The following KCNT2 variants were observed in gnomAD, a reference collection of about 807,000 sequenced individuals.
KCNT2 encodes potassium channel subfamily T member 2.
Under a neutral mutation model 153.8 loss-of-function variants are expected in KCNT2, and 67 were observed. The ratio of observed to expected loss-of-function variants is 0.44; its 90% CI spans 0.36 to 0.53. The LOEUF is 0.53. Among genes scored for constraint, KCNT2 ranks in the 20% least tolerant of loss-of-function variants. The pLI, the probability that KCNT2 is intolerant of heterozygous loss-of-function variation, is 0.00. For missense variants in KCNT2, 975 were observed against 1,354.8 expected, an observed-to-expected ratio of 0.72 and a Z score of 4.40; for synonymous variants, 500 against 458.8, an observed-to-expected ratio of 1.09 and a Z score of -1.15.
chr1:196,435,526 T>C (rs1329083976), intron 8 of KCNT2, among the ~76,000 whole-genome samples: 3 of 151,662 alleles, frequency 2.0e-5, no homozygotes, highest in Non-Finnish European at 4.4e-5. Flanking sequence ...ATATAAGATA[T>C]ATTTATTTTA....
rs562999182 is a variant in KCNT2 at position 196,513,788 on chromosome 1, T to C, written c.96-21447A>G. Among the ~76,000 whole-genome samples, 8 of 152,230 alleles carry C rather than the reference T, an allele frequency of 5.3e-5. No homozygotes were observed. In the South Asian group the frequency reaches 1.7e-3, roughly 32 times the overall value. On this transcript the variant is annotated intron_variant, in intron 1 of 27. Coordinates refer to ENST00000294725, the MANE Select transcript of KCNT2 (RefSeq NM_198503.5). ...AACTGTTTTTTAATGATCTATATCC[T>C]CCAAATGGACCTTAGAGACCAAACA... is the stretch of plus-strand genomic sequence containing the variant.
chr1:196,281,061 T>C, intron 24 of KCNT2, 73 bp from the exon 25 acceptor site: 5 of 1,186,120 alleles, frequency 4.2e-6, no homozygotes, highest in Non-Finnish European at 3.6e-6. Flanking sequence ...TTACATTTCT[T>C]TATTTGCTTA....
At chr1:196,298,074 A>G (rs1446161146) in intron 22 of KCNT2, among the ~76,000 whole-genome samples, 1 of 152,194 alleles carries the variant, frequency 6.6e-6, no homozygotes, top group East Asian at 1.9e-4. Flanking sequence ...AGATATCTCC[A>G]ATCACTGGTA....
chr1:196,373,608 C>A (rs535837752), intron 13 of KCNT2, among the ~76,000 whole-genome samples: 1 of 151,864 alleles, frequency 6.6e-6, no homozygotes, highest in South Asian at 2.1e-4. Context: ...TTTATAAAGT[C>A]TCCTTTTGTT....
intron 13 of KCNT2, among the ~76,000 whole-genome samples, chr1:196,385,332 T>C (rs1469232253): frequency 6.6e-6 from 1 of 152,178 alleles, no homozygotes; most frequent in Non-Finnish European, 1.5e-5. Context: ...CTGTGGGCAA[T>C]TGTGACACAA....
intron 8 of KCNT2, among the ~76,000 whole-genome samples, chr1:196,442,150 C>T (rs1054545093): frequency 1.3e-5 from 2 of 151,662 alleles, no homozygotes; most frequent in East Asian, 1.9e-4. Context: ...GCTGGATCAC[C>T]GACGGAAAAG....
intron 19 of KCNT2, among the ~76,000 whole-genome samples, chr1:196,323,977 A>G (rs1663592653): frequency 6.6e-6 from 1 of 151,854 alleles, no homozygotes; most frequent in Non-Finnish European, 1.5e-5. Context: ...AAAAAAAAAA[A>G]AAGAATTGCA....
intron 14 of KCNT2, among the ~76,000 whole-genome samples, chr1:196,361,920 T>TGTGG (rs1161792276): frequency 6.6e-6 from 1 of 151,606 alleles, no homozygotes; most frequent in Non-Finnish European, 1.5e-5. Context: ...TGTGAGTGTG[T>TGTGG]GTGTGTGTGT....
intron 8 of KCNT2, among the ~76,000 whole-genome samples, chr1:196,456,016 C>T (rs952557691): frequency 2.6e-4 from 40 of 152,024 alleles, no homozygotes; most frequent in Non-Finnish European, 4.4e-4. Flanking sequence ...TATCTGGTTC[C>T]GATTCATTCA....
chr1:196,303,501 G>A (rs528881427), intron 22 of KCNT2, among the ~76,000 whole-genome samples: 3 of 152,076 alleles, frequency 2.0e-5, no homozygotes, highest in African/African-American at 4.8e-5. Context: ...ACCTTGCTAC[G>A]TCAACTGACT....
At chr1:196,452,849 A>C (rs2148625498) in intron 8 of KCNT2, among the ~76,000 whole-genome samples, 1 of 151,992 alleles carries the variant, frequency 6.6e-6, no homozygotes, top group African/African-American at 2.4e-5. Flanking sequence ...TTTTAAAATT[A>C]TATTTATACC....
intron 8 of KCNT2, among the ~76,000 whole-genome samples, chr1:196,433,016 G>A (rs1674295101): frequency 6.6e-6 from 1 of 152,176 alleles, no homozygotes; most frequent in Non-Finnish European, 1.5e-5. Flanking sequence ...AAGTCATGAG[G>A]GTAGAGCACT....
intron 1 of KCNT2, among the ~76,000 whole-genome samples, chr1:196,504,181 C>G (rs1167034789): frequency 2.0e-5 from 3 of 151,536 alleles, no homozygotes; most frequent in African/African-American, 7.3e-5. Context: ...TGTGCTGCAC[C>G]CATTAACGCG....
chr1:196,256,606 T>C (rs1172303550), intron 26 of KCNT2, among the ~76,000 whole-genome samples: 3 of 137,398 alleles, frequency 2.2e-5, no homozygotes, highest in African/African-American at 5.0e-5. Context: ...ATTTGAGATA[T>C]AATTATTTTT....
intron 1 of KCNT2, among the ~76,000 whole-genome samples, chr1:196,573,979 T>G (rs566122562): frequency 6.6e-6 from 1 of 151,908 alleles, no homozygotes; most frequent in Non-Finnish European, 1.5e-5. Flanking sequence ...GAGAGAGATT[T>G]CAAGGATATG....
intron 2 of KCNT2, among the ~76,000 whole-genome samples, chr1:196,491,044 A>G (rs1053797617): frequency 6.6e-6 from 1 of 152,028 alleles, no homozygotes; most frequent in African/African-American, 2.4e-5. Context: ...TCCTTAAAAA[A>G]TCTTTCAAAT....
At chr1:196,430,072 C>T (rs1441798956) in intron 8 of KCNT2, among the ~76,000 whole-genome samples, 1 of 151,966 alleles carries the variant, frequency 6.6e-6, no homozygotes, top group Non-Finnish European at 1.5e-5. Flanking sequence ...CACAAGAAAT[C>T]GCTACCTCTA....
chr1:196,426,014 A>C, intron 10 of KCNT2, 26 bp from the exon 11 acceptor site: 1 of 1,594,774 alleles, frequency 6.3e-7, no homozygotes, highest in South Asian at 1.1e-5. Context: ...TGGGCAATGG[A>C]ATAGAAACAA....
chr1:196,514,003 C>T lies in KCNT2; in HGVS notation c.96-21662G>A, dbSNP rs566771296. Among the ~76,000 whole-genome samples, 5 of 152,230 alleles carry T rather than the reference C, an allele frequency of 3.3e-5. No homozygotes were observed. In the East Asian group the frequency reaches 9.7e-4, roughly 29 times the overall value. ...CAAATAGACTGAAATAGGAAGCTAC[C>T]AGATGGAATGCATCATTAATAACAT... On this transcript the variant is annotated intron_variant, in intron 1 of 27. Coordinates refer to ENST00000294725, the MANE Select transcript of KCNT2 (RefSeq NM_198503.5).
Sources: allele counts gnomAD v4.1 joint callset (sites outside exome capture counted in the v4.1 genomes callset), GRCh38; gene constraint gnomAD v4.1.1; transcripts MANE v1.5; gene names NCBI Gene and HGNC (gene_info 2026-07-23, HGNC 2026-07-21).